The following ITSN1 variants were observed in gnomAD, a reference collection of about 807,000 sequenced individuals.
The protein encoded by ITSN1 is intersectin 1, also known as intersectin-1.
Under a neutral mutation model 239.8 loss-of-function variants are expected in ITSN1, and 58 were observed. The observed-to-expected ratio is 0.24, with a 90% CI of 0.20 to 0.30. The LOEUF (loss-of-function observed/expected upper bound fraction) is 0.30, where lower values mean the gene tolerates loss of function less well. ITSN1 is among the 10% of genes least tolerant of loss of function. ITSN1 has a pLI of 1.00. For missense variants in ITSN1, 1,558 were observed against 2,103.3 expected (o/e 0.74, Z 5.07); for synonymous variants, 780 against 770.8 (o/e 1.01, Z -0.20).
intron 1 of ITSN1, among the ~76,000 whole-genome samples, chr21:33,711,488 C>T (rs1045028890): frequency 6.6e-6 from 1 of 151,548 alleles, no homozygotes; most frequent in African/African-American, 2.4e-5. Flanking sequence ...ATGTAATTAT[C>T]GGTTGTTGGA....
intron 5 of ITSN1, among the ~76,000 whole-genome samples, chr21:33,744,753 G>A (rs989722995): frequency 2.0e-5 from 3 of 152,104 alleles, no homozygotes; most frequent in Admixed American, 6.5e-5. Context: ...GCCAAAGAGA[G>A]GACAGTTTGA....
In ITSN1 at chr21:33,865,300, C is replaced by T. The variant is rs781233789; in HGVS notation, c.4040C>T (p.Thr1347Met). Residue 1347 changes from threonine to methionine, a missense_variant, in exon 32 of 40, where the codon ACG becomes ATG. Physicochemically the swap from Thr to Met is moderately conservative, Grantham distance 81. Coordinates refer to ENST00000381318, the MANE Select transcript of ITSN1 (RefSeq NM_003024.3). This position sits in a 1 kb window ranked among gnomAD's most constrained non-coding sequence, Gnocchi z 4.4. ...LNGAALIQQK[T>M]DEAPDFKEFV... The stretch of plus-strand genomic sequence containing the variant: ...GGGGCTGCCCTGATCCAGCAGAAGA[C>T]GGATGAGGCCCCAGACTTCAAGGAG... 3.8e-6 allele frequency: 6 copies of T among 1,588,190 alleles called. No homozygotes were observed. Among genetic ancestry groups the T allele is most frequent in the African/African-American group, 2.7e-5 (2 of 74,704 alleles).
chr21:33,675,082 T>C (rs2090511682), intron 1 of ITSN1, among the ~76,000 whole-genome samples: 2 of 152,216 alleles, frequency 1.3e-5, no homozygotes, highest in Admixed American at 6.5e-5. Flanking sequence ...ACCTTGACCA[T>C]ATGGTTTTAT....
intron 1 of ITSN1, among the ~76,000 whole-genome samples, chr21:33,703,083 C>CTGTG (rs10529613): frequency 0.15 from 21,659 of 145,460 alleles, 1,774 homozygotes; most frequent in East Asian, 0.28. Flanking sequence ...GAGACTCTGT[C>CTGTG]TGTGTGTGTG....
intron 4 of ITSN1, among the ~76,000 whole-genome samples, chr21:33,725,158 G>A (rs1354271341): frequency 1.7e-5 from 2 of 115,340 alleles, no homozygotes; most frequent in African/African-American, 6.5e-5. Context: ...TTTTTGAGAT[G>A]GAGTTTTGCC....
intron 17 of ITSN1, among the ~76,000 whole-genome samples, chr21:33,794,694 T>C (rs2071399447): frequency 6.6e-6 from 1 of 152,220 alleles, no homozygotes; most frequent in Non-Finnish European, 1.5e-5. Context: ...GCTACTACTA[T>C]GTAGATAAAT....
intron 38 of ITSN1, among the ~76,000 whole-genome samples, chr21:33,885,726 G>C (rs1461195201): frequency 2.0e-5 from 3 of 152,130 alleles, no homozygotes; most frequent in Non-Finnish European, 4.4e-5. Context: ...CTTCTCCGAG[G>C]GATCTGAGTG....
In ITSN1 at chr21:33,871,561, G is replaced by A. The variant is rs543962973; in HGVS notation, c.4174-3793G>A. Among the ~76,000 whole-genome samples the A allele has an allele frequency of 5.3e-5, 8 of 152,210 alleles. No homozygotes were observed. In the East Asian group the frequency reaches 1.5e-3, roughly 29 times the overall value. The stretch of plus-strand genomic sequence containing the variant: ...GATCAAGATCATCCTGGCCAACATG[G>A]TGAAGCCCGTCTCTACTAAAAATAC... On this transcript the variant is annotated intron_variant, in intron 33 of 39. Coordinates refer to ENST00000381318, the MANE Select transcript of ITSN1 (RefSeq NM_003024.3).
At chr21:33,673,224 G>A (rs1346989916) in intron 1 of ITSN1, among the ~76,000 whole-genome samples, 1 of 152,188 alleles carries the variant, frequency 6.6e-6, no homozygotes, top group Non-Finnish European at 1.5e-5. Flanking sequence ...GAATATGTAA[G>A]AATAGAGTGG....
chr21:33,725,283 A>G (rs569354950), intron 4 of ITSN1, among the ~76,000 whole-genome samples: 1 of 151,008 alleles, frequency 6.6e-6, no homozygotes, highest in Non-Finnish European at 1.5e-5. Context: ...TTACAGGCGT[A>G]CACCACCACG....
At chr21:33,843,524 A>G (rs1383802907) in intron 29 of ITSN1, among the ~76,000 whole-genome samples, 3 of 152,172 alleles carry the variant, frequency 2.0e-5, no homozygotes, top group Non-Finnish European at 4.4e-5. Flanking sequence ...GTAGCTTCCC[A>G]ATTTTCATTC....
chr21:33,830,410 AG>A (rs1176045444), intron 27 of ITSN1, among the ~76,000 whole-genome samples: 1 of 152,178 alleles, frequency 6.6e-6, no homozygotes, highest in African/African-American at 2.4e-5. Flanking sequence ...CATGATCTGC[AG>A]GGGAAAACAC....
At chr21:33,781,716 C>CT (rs2070200763) in intron 15 of ITSN1, among the ~76,000 whole-genome samples, 168 bp downstream of exon 15, 1 of 152,044 alleles carries the variant, frequency 6.6e-6, no homozygotes, top group Non-Finnish European at 1.5e-5. Context: ...GTAGCTGGGA[C>CT]TACAGGTGCA....
chr21:33,760,137 GT>G (rs1294345270), intron 8 of ITSN1, among the ~76,000 whole-genome samples: 1 of 151,198 alleles, frequency 6.6e-6, no homozygotes, highest in East Asian at 1.9e-4. Context: ...AAAGAAAACA[GT>G]AGAATGGACA....
At position 33,876,361 on chromosome 21, in the gene ITSN1, C is replaced by T. The variant is rs553242788; in HGVS notation, c.4341+840C>T. ...CCTTCCTTTCTCCTTCTCTTCTCTT[C>T]TTTTTTCTTTTCTTTCTTTCAACAG... On this transcript the variant is annotated intron_variant, in intron 34 of 39. Coordinates refer to ENST00000381318, the MANE Select transcript of ITSN1 (RefSeq NM_003024.3). Among the ~76,000 whole-genome samples the T allele has an allele frequency of 4.7e-5, 7 of 148,130 alleles. No individual in the cohort carries two copies. In the South Asian group the frequency reaches 1.5e-3, roughly 32 times the overall value.
intron 1 of ITSN1, among the ~76,000 whole-genome samples, chr21:33,710,875 G>A (rs987208395): frequency 2.0e-5 from 3 of 149,880 alleles, no homozygotes; most frequent in Non-Finnish European, 4.4e-5. Flanking sequence ...CTGCGATCTC[G>A]GCTCACTGCA....
intron 21 of ITSN1, 125 bp from the exon 22 acceptor site, chr21:33,813,788 T>G: frequency 1.4e-6 from 1 of 719,142 alleles, no homozygotes; most frequent in Non-Finnish European, 2.2e-6. Context: ...GGTACTTTAC[T>G]GTGGGTAAAA....
intron 1 of ITSN1, among the ~76,000 whole-genome samples, chr21:33,675,349 G>C (rs1183382422): frequency 1.3e-5 from 2 of 152,016 alleles, no homozygotes; most frequent in African/African-American, 4.8e-5. Flanking sequence ...GGATCATGAG[G>C]TCAGGAGACC....
At position 33,742,619 on chromosome 21, in the gene ITSN1, C is replaced by T. The variant is rs553537606; in HGVS notation, c.346+7415C>T. 2.0e-5 allele frequency among the ~76,000 whole-genome samples: 3 copies of T among 152,250 alleles called. No individual in the cohort carries two copies. The East Asian group carries it at 5.8e-4, about 29-fold the overall frequency. Reference sequence around the variant, plus strand: ...AAGGATCTGAGAGATTTGGAGCAGTCCAGCCCCTATGAACTCAAAAGACTG... The same window carrying T: ...AAGGATCTGAGAGATTTGGAGCAGTTCAGCCCCTATGAACTCAAAAGACTG... On this transcript the variant is annotated intron_variant, in intron 5 of 39. Coordinates refer to ENST00000381318, the MANE Select transcript of ITSN1 (RefSeq NM_003024.3).
Sources: gnomAD v4.1 joint callset for allele counts (sites outside exome capture counted in the v4.1 genomes callset) on GRCh38, gnomAD v4.1.1 for gene constraint, Gnocchi (gnomAD v3.1) non-coding constraint, MANE v1.5 for transcripts, NCBI Gene and HGNC (gene_info 2026-07-23, HGNC 2026-07-21) for gene names.